Variants in CSMD1 observed in about 807,000 individuals in gnomAD.
CSMD1 encodes CUB and Sushi multiple domains 1.
Under a neutral mutation model 417.5 loss-of-function variants are expected in CSMD1, and 213 were observed. That is an observed-to-expected ratio of 0.51 (90% CI 0.46 to 0.57). The LOEUF (loss-of-function observed/expected upper bound fraction) is 0.57. Ranked by LOEUF, CSMD1 falls within the 20% of genes least tolerant of loss-of-function variation. The pLI is 0.00. For missense variants in CSMD1, 6,923 were observed against 4,529.7 expected (o/e 1.53, Z -15.17); for synonymous variants, 2,862 against 1,736.8 (o/e 1.65, Z -16.11).
intron 25 of CSMD1, among the ~76,000 whole-genome samples, chr8:3,300,258 A>G (rs1804285321): frequency 6.6e-6 from 1 of 152,184 alleles, no homozygotes; most frequent in Admixed American, 6.6e-5. Context: ...AACATATCAC[A>G]TTTTATGTTT....
intron 5 of CSMD1, among the ~76,000 whole-genome samples, chr8:3,937,375 A>T (rs995115344): frequency 2.0e-5 from 3 of 152,190 alleles, no homozygotes; most frequent in African/African-American, 7.2e-5. Context: ...CTGACGTGGT[A>T]AACTTTACTG....
At chr8:4,802,255 T>C (rs1563431819) in intron 1 of CSMD1, among the ~76,000 whole-genome samples, 1 of 152,160 alleles carries the variant, frequency 6.6e-6, no homozygotes, top group Admixed American at 6.5e-5. Context: ...TTTTCCCTTT[T>C]CCTCTGCCTG....
At chr8:4,830,852 G>A (rs147358164) in intron 1 of CSMD1, among the ~76,000 whole-genome samples, 1 of 152,262 alleles carries the variant, frequency 6.6e-6, no homozygotes, top group East Asian at 1.9e-4. Flanking sequence ...GCTAAGTGAA[G>A]AAATTCTGGG....
intron 3 of CSMD1, among the ~76,000 whole-genome samples, chr8:4,306,436 T>A (rs73660739): frequency 1.3e-5 from 2 of 151,888 alleles, no homozygotes; most frequent in Non-Finnish European, 2.9e-5. Context: ...GAAAGTTCAA[T>A]TGATAAAAAA....
At chr8:3,088,324 G>A (rs1297024662) in intron 48 of CSMD1, among the ~76,000 whole-genome samples, 1 of 152,212 alleles carries the variant, frequency 6.6e-6, no homozygotes, top group Admixed American at 6.5e-5. Flanking sequence ...ACTCACTTCA[G>A]ATGAATTTAA....
intron 7 of CSMD1, among the ~76,000 whole-genome samples, chr8:3,694,681 T>C (rs2129034336): frequency 6.6e-6 from 1 of 151,940 alleles, no homozygotes; most frequent in Middle Eastern, 3.4e-3. Flanking sequence ...TCCACTGAAC[T>C]GCTGTGGGCT....
At chr8:3,471,528 C>G (rs533834535) in intron 11 of CSMD1, among the ~76,000 whole-genome samples, 4 of 150,518 alleles carry the variant, frequency 2.7e-5, no homozygotes, top group African/African-American at 9.8e-5. Flanking sequence ...TTCCTTCGTT[C>G]CTTCCTTCCT....
At chr8:4,602,516 G>A (rs961827526) in intron 2 of CSMD1, among the ~76,000 whole-genome samples, 19 of 152,214 alleles carry the variant, frequency 1.2e-4, no homozygotes, top group African/African-American at 4.1e-4. Flanking sequence ...CAATAAAACC[G>A]TAAATATATT....
chr8:4,854,992 C>G (rs1040841194), intron 1 of CSMD1, among the ~76,000 whole-genome samples: 1 of 152,198 alleles, frequency 6.6e-6, no homozygotes, highest in Non-Finnish European at 1.5e-5. Flanking sequence ...CATCAGTAAC[C>G]TCTGCAGACT....
intron 16 of CSMD1, among the ~76,000 whole-genome samples, chr8:3,397,686 G>C (rs1563345982): frequency 6.6e-6 from 1 of 152,140 alleles, no homozygotes. Context: ...AATCTCCTTT[G>C]ACATAGTCAT....
intron 2 of CSMD1, among the ~76,000 whole-genome samples, chr8:4,497,824 T>C (rs1338074690): frequency 2.0e-5 from 3 of 152,142 alleles, no homozygotes; most frequent in Non-Finnish European, 4.4e-5. Flanking sequence ...CTGTCCAGAA[T>C]CAACGGTAGA....
rs1215820869 is a variant in CSMD1 at position 3,219,284 on chromosome 8, C to G, written c.4643G>C (p.Gly1548Ala). 5.6e-6 allele frequency: 9 copies of G among 1,594,452 alleles called. No individual in the cohort carries two copies. Among genetic ancestry groups the G allele is most frequent in the Non-Finnish European group, 7.7e-6 (9 of 1,169,676 alleles). Residue 1548 changes from glycine to alanine, a missense_variant, in exon 29 of 70, where the codon GGC (glycine) becomes GCC (alanine). Coordinates refer to ENST00000635120, the MANE Select transcript of CSMD1 (RefSeq NM_033225.6). ...AAATTCAATGGCGAACCCTGAAAGG[C>G]CCACGGAGGCATCACTCCGAAATGC... is the stretch of plus-strand genomic sequence containing the variant. ...FLAFRSDASV[G>A]LSGFAIEFKE...
intron 5 of CSMD1, among the ~76,000 whole-genome samples, chr8:3,803,598 C>G (rs115857086): frequency 0.02 from 3,105 of 152,254 alleles, 40 homozygotes; most frequent in African/African-American, 0.032. Flanking sequence ...AGAACAAAGA[C>G]CAGTGTGTCT....
chr8:3,607,856 G>C (rs1311163189), intron 8 of CSMD1, among the ~76,000 whole-genome samples: 4 of 152,122 alleles, frequency 2.6e-5, no homozygotes, highest in Non-Finnish European at 5.9e-5. Context: ...GATGATACTT[G>C]AGGAAGAACA....
chr8:3,973,751 C>T (rs1259952131), intron 5 of CSMD1, among the ~76,000 whole-genome samples: 1 of 152,154 alleles, frequency 6.6e-6, no homozygotes, highest in Non-Finnish European at 1.5e-5. Context: ...TACACTAATG[C>T]AAACCAACCA....
At chr8:4,602,040 G>A (rs915038909) in intron 2 of CSMD1, among the ~76,000 whole-genome samples, 3 of 152,124 alleles carry the variant, frequency 2.0e-5, no homozygotes, top group Admixed American at 2.0e-4. Context: ...CATTCCCCAA[G>A]AAGAATGAAT....
chr8:3,924,482 T>C (rs940464596), intron 5 of CSMD1, among the ~76,000 whole-genome samples: 1 of 152,196 alleles, frequency 6.6e-6, no homozygotes, highest in African/African-American at 2.4e-5. Context: ...TTCTGAGACT[T>C]CTATGATACA....
At chr8:3,102,767 G>C in intron 46 of CSMD1, among the ~76,000 whole-genome samples, 1 of 152,182 alleles carries the variant, frequency 6.6e-6, no homozygotes, top group South Asian at 2.1e-4. Context: ...GAGTGTTTCC[G>C]TTAAATATTA....
chr8:3,615,629 A>G (rs1369900140), intron 8 of CSMD1, among the ~76,000 whole-genome samples: 1 of 152,120 alleles, frequency 6.6e-6, no homozygotes. Context: ...TTATTTTTCT[A>G]TTGCTTTTAA....
Sources: gnomAD v4.1 joint callset for allele counts (sites outside exome capture counted in the v4.1 genomes callset) on GRCh38, gnomAD v4.1.1 for gene constraint, MANE v1.5 for transcripts, NCBI Gene and HGNC (gene_info 2026-07-23, HGNC 2026-07-21) for gene names.